Variants in DNAH5 observed in about 807,000 individuals in gnomAD.
The protein encoded by DNAH5 is axonemal beta dynein heavy chain 5.
DNAH5 carries 372 observed loss-of-function variants against 518.2 expected under a neutral mutation model. The ratio of observed to expected loss-of-function variants is 0.72; its 90% CI spans 0.66 to 0.78. The LOEUF is 0.78. Among genes scored for constraint, DNAH5 ranks in the 30% least tolerant of loss-of-function variants. The pLI, the probability that DNAH5 is intolerant of heterozygous loss-of-function variation, is 0.00. For missense variants in DNAH5, 5,523 were observed against 5,687.0 expected, an observed-to-expected ratio of 0.97 and a Z score of 0.93; for synonymous variants, 2,039 against 2,025.9, an observed-to-expected ratio of 1.01 and a Z score of -0.17.
chr5:13,998,384 G>T (rs1387590678), intron 1 of DNAH5, among the ~76,000 whole-genome samples: 4 of 152,192 alleles, frequency 2.6e-5, no homozygotes, highest in African/African-American at 7.2e-5. Context: ...TAATACTATT[G>T]CAGTGAGGAT....
intron 1 of DNAH5, among the ~76,000 whole-genome samples, chr5:13,973,998 CTTTTCA>C (rs1336364177): frequency 6.6e-6 from 1 of 152,192 alleles, no homozygotes; most frequent in Non-Finnish European, 1.5e-5. Flanking sequence ...CTCACTTTTC[CTTTTCA>C]AACTTTTGCC....
At chr5:13,760,698 G>T (rs1357063672) in intron 60 of DNAH5, among the ~76,000 whole-genome samples, 1 of 152,178 alleles carries the variant, frequency 6.6e-6, no homozygotes, top group Non-Finnish European at 1.5e-5. Flanking sequence ...AAAGATAACA[G>T]CTCCTCAGTG....
At chr5:13,825,218 C>A (rs1163834500) in intron 38 of DNAH5, among the ~76,000 whole-genome samples, 1 of 152,098 alleles carries the variant, frequency 6.6e-6, no homozygotes, top group Admixed American at 6.6e-5. Flanking sequence ...GTGGTGTGCA[C>A]CTGTGATCCC....
At chr5:13,882,134 A>G (rs567405184) in intron 21 of DNAH5, among the ~76,000 whole-genome samples, 48 of 152,228 alleles carry the variant, frequency 3.2e-4, no homozygotes, top group Non-Finnish European at 5.4e-4. Context: ...ATCTGAACAG[A>G]CCTATAGTAA....
In DNAH5 at chr5:13,690,478, C is replaced by T. The variant is rs574438524; in HGVS notation, c.*1506G>A. The T allele has an allele frequency of 3.3e-5, 5 of 152,164 alleles. No homozygotes were observed. The highest frequency in any genetic ancestry group is 7.3e-5 in the Non-Finnish European group (5 of 68,032). 9.4% of individuals were successfully genotyped at this position (152,164 alleles called of 1,614,324 possible). A position where few individuals can be genotyped will look rare whatever the true frequency, so the allele number is the denominator to read the frequency against. ...AGAACTCACAAGAAAACAGTATCATCTAAGATGGTGGGAGTCACAGGAGCC... is the reference window on the plus strand; with the variant it reads ...AGAACTCACAAGAAAACAGTATCATTTAAGATGGTGGGAGTCACAGGAGCC... On this transcript the variant is annotated 3_prime_UTR_variant, in exon 79 of 79. Coordinates refer to ENST00000265104, the MANE Select transcript of DNAH5 (RefSeq NM_001369.3).
At position 13,717,345 on chromosome 5, in the gene DNAH5, T is replaced by C. The variant is rs368456286; in HGVS notation, c.12675A>G (p.Gln4225=). The C allele has an allele frequency of 1.2e-6, 2 of 1,613,858 alleles. No homozygotes were observed. Among genetic ancestry groups the C allele is most frequent in the Admixed American group, 1.7e-5 (1 of 59,990 alleles). Residue 4225 remains glutamine (Q), a synonymous_variant, in exon 73 of 79, where the codon CAA becomes CAG. Transcript: ENST00000265104. Reference sequence around the variant, plus strand: ...TGACATCCATGTCATCCAAGTGGTTTTGGATGAACTGCACAGTGGCATTAA... The same window carrying C: ...TGACATCCATGTCATCCAAGTGGTTCTGGATGAACTGCACAGTGGCATTAA... ...ADFNATVQFI[Q]NHLDDMDVKK...
chr5:13,812,693 G>GA (rs944680503), intron 43 of DNAH5, among the ~76,000 whole-genome samples: 1 of 151,994 alleles, frequency 6.6e-6, no homozygotes, highest in Non-Finnish European at 1.5e-5. Flanking sequence ...AAACAATGTA[G>GA]AAAAATATCA....
intron 1 of DNAH5, among the ~76,000 whole-genome samples, chr5:13,938,549 A>C (rs112518290): frequency 1.3e-5 from 2 of 150,332 alleles, no homozygotes; most frequent in Non-Finnish European, 3.0e-5. Flanking sequence ...TGTATATATA[A>C]AAAATGTAAA....
In DNAH5 at chr5:13,817,700, C is replaced by A; in HGVS notation, c.6842-6G>T. On this transcript the variant is annotated splice_region_variant and splice_polypyrimidine_tract_variant and intron_variant, in intron 41 of 78. Transcript: ENST00000265104. ...CCGATGTGGTTTTCCACAATCTATA[C>A]CAAGTAAATCCAAATTTTAGACATC... is the stretch of plus-strand genomic sequence containing the variant. The A allele has an allele frequency of 6.2e-7, 1 of 1,613,962 alleles. No individual in the cohort carries two copies.
intron 1 of DNAH5, among the ~76,000 whole-genome samples, chr5:13,956,840 A>C (rs1006050986): frequency 5.9e-5 from 9 of 152,222 alleles, no homozygotes; most frequent in African/African-American, 1.4e-4. Flanking sequence ...CATAAAAGTG[A>C]ATTTCAGTAT....
At chr5:13,755,657 A>G (rs1202648219) in intron 61 of DNAH5, among the ~76,000 whole-genome samples, 1 of 152,208 alleles carries the variant, frequency 6.6e-6, no homozygotes, top group Non-Finnish European at 1.5e-5. Flanking sequence ...AGGCAAAAAA[A>G]CTAACAGTCC....
intron 12 of DNAH5, among the ~76,000 whole-genome samples, chr5:13,909,737 C>A (rs569172374): frequency 2.7e-4 from 41 of 152,180 alleles, no homozygotes; most frequent in African/African-American, 9.6e-4. Context: ...ATTCATTACT[C>A]TGTTCTAATG....
intron 46 of DNAH5, among the ~76,000 whole-genome samples, chr5:13,808,400 T>C (rs1760009131): frequency 6.6e-6 from 1 of 152,082 alleles, no homozygotes; most frequent in South Asian, 2.1e-4. Flanking sequence ...GAAAAGAAAC[T>C]GCTGTTGTTT....
Position 13,841,918 on chromosome 5 carries a change from C to CAAAAAAAAAAAAAAAAAAAAAAAAATAA in DNAH5, c.5272-15_5272-14insTTATTTTTTTTTTTTTTTTTTTTTTTTT. The CAAAAAAAAAAAAAAAAAAAAAAAAATAA allele has an allele frequency of 1.7e-6, 1 of 591,134 alleles. No individual in the cohort carries two copies. The highest frequency in any genetic ancestry group is 2.7e-6 in the Non-Finnish European group (1 of 370,188). The allele number at this position is 591,134 out of a possible 1,614,324, so 36.6% of individuals were successfully genotyped here. A position where few individuals can be genotyped will look rare whatever the true frequency, so the allele number is the denominator to read the frequency against. On this transcript the variant is annotated splice_polypyrimidine_tract_variant and intron_variant, in intron 32 of 78. Coordinates refer to ENST00000265104, the MANE Select transcript of DNAH5 (RefSeq NM_001369.3). ...TCGATCATAGATCTATGTTAGAAAC[C>CAAAAAAAAAAAAAAAAAAAAAAAAATAA]AAAAAAAAAAAAAAAAAAAGCTATA...
chr5:13,691,924 G>A lies in DNAH5; in HGVS notation c.*60C>T, dbSNP rs530814189. 5 of 1,604,292 alleles carry A rather than the reference G, an allele frequency of 3.1e-6. No homozygotes were observed. The African/African-American group carries it at 4.0e-5, about 13-fold the overall frequency. On this transcript the variant is annotated 3_prime_UTR_variant, in exon 79 of 79. Coordinates refer to ENST00000265104, the MANE Select transcript of DNAH5 (RefSeq NM_001369.3). ...TGTCCAGCAGTCATACAGAAATAAAGGTTACAATAATTTAGATCTTGCATT... is the reference window on the plus strand; with the variant it reads ...TGTCCAGCAGTCATACAGAAATAAAAGTTACAATAATTTAGATCTTGCATT...
At chr5:13,831,918 G>C (rs897365527) in intron 35 of DNAH5, among the ~76,000 whole-genome samples, 7 of 152,106 alleles carry the variant, frequency 4.6e-5, no homozygotes, top group African/African-American at 1.7e-4. Flanking sequence ...AAGGAAAAAG[G>C]CCACAGAGAT....
At chr5:13,775,639 C>T (rs941128352) in intron 55 of DNAH5, among the ~76,000 whole-genome samples, 1 of 152,084 alleles carries the variant, frequency 6.6e-6, no homozygotes, top group African/African-American at 2.4e-5. Context: ...TTCTCCTTCT[C>T]TAAAGAGCAA....
chr5:13,841,124 A>C lies in DNAH5; in HGVS notation c.5491T>G (p.Leu1831Val), dbSNP rs1765100305. 6.2e-7 allele frequency: 1 copy of C among 1,612,776 alleles called. No individual in the cohort carries two copies. The highest frequency in any genetic ancestry group is 8.5e-7 in the Non-Finnish European group (1 of 1,179,026). ...GTCCATATCATCTGAATTCCTAATA[A>C]TCCAACCTTATGGAAATAAAAAAGG... ...FLSSFPAQVG[L>V]LGIQMIWTRD... Residue 1831 changes from leucine (L) to valine (V), a missense_variant, in exon 34 of 79, where the codon TTA becomes GTA. Coordinates refer to ENST00000265104, the MANE Select transcript of DNAH5 (RefSeq NM_001369.3).
chr5:13,877,045 T>G (rs1421528809), intron 21 of DNAH5, among the ~76,000 whole-genome samples: 1 of 152,242 alleles, frequency 6.6e-6, no homozygotes, highest in Non-Finnish European at 1.5e-5. Context: ...CAATGCTAAA[T>G]CTTGGTAACA....
Sources: gnomAD v4.1 joint callset for allele counts (sites outside exome capture counted in the v4.1 genomes callset) on GRCh38, gnomAD v4.1.1 for gene constraint, MANE v1.5 for transcripts, NCBI Gene and HGNC (gene_info 2026-07-23, HGNC 2026-07-21) for gene names.